HS3ST4: variants seen among roughly 807,000 people sequenced by gnomAD.
HS3ST4 encodes heparan sulfate glucosamine 3-O-sulfotransferase 4.
HS3ST4 carries 17 observed loss-of-function variants against 29.2 expected under a neutral mutation model. The observed-to-expected ratio is 0.58, with a 90% CI of 0.40 to 0.87. The LOEUF is 0.87. Among genes scored for constraint, HS3ST4 ranks in the 40% least tolerant of loss-of-function variants. The probability of loss-of-function intolerance (pLI) is 0.00; values close to 1 mark genes in which losing one functional copy is unlikely to be tolerated. For missense variants in HS3ST4, 627 were observed against 634.5 expected, an observed-to-expected ratio of 0.99 and a Z score of 0.13; for synonymous variants, 314 against 285.7, an observed-to-expected ratio of 1.10 and a Z score of -1.00.
intron 1 of HS3ST4, among the ~76,000 whole-genome samples, chr16:25,931,702 G>A (rs182773793): frequency 8.1e-4 from 124 of 152,348 alleles, no homozygotes; most frequent in African/African-American, 3.0e-3. Flanking sequence ...GATAGATTCT[G>A]TTTGGTGGGA....
intron 1 of HS3ST4, among the ~76,000 whole-genome samples, chr16:25,999,894 A>ATTTT (rs1330505734): frequency 3.7e-4 from 38 of 103,722 alleles, no homozygotes; most frequent in African/African-American, 1.3e-3. Flanking sequence ...ATATATATAT[A>ATTTT]TTTTATATAT....
intron 1 of HS3ST4, among the ~76,000 whole-genome samples, chr16:25,705,497 C>T (rs1966370119): frequency 6.6e-6 from 1 of 152,062 alleles, no homozygotes; most frequent in African/African-American, 2.4e-5. Flanking sequence ...AACCCCATCT[C>T]TACTAAAAAT....
intron 1 of HS3ST4, among the ~76,000 whole-genome samples, chr16:25,726,780 A>G (rs1420515322): frequency 2.0e-5 from 3 of 152,194 alleles, no homozygotes; most frequent in Non-Finnish European, 4.4e-5. Context: ...TGAAATTGCT[A>G]TTGTGTCTAA....
intron 1 of HS3ST4, among the ~76,000 whole-genome samples, chr16:25,993,418 A>G (rs1049878761): frequency 1.1e-4 from 17 of 152,140 alleles, no homozygotes; most frequent in Admixed American, 1.1e-3. Flanking sequence ...TGACCCTCAG[A>G]GAAAGCACTG....
intron 1 of HS3ST4, among the ~76,000 whole-genome samples, chr16:25,830,124 C>T (rs1013913330): frequency 5.3e-5 from 8 of 152,242 alleles, no homozygotes; most frequent in Middle Eastern, 3.4e-3. Flanking sequence ...CACACCCAGC[C>T]TAAAATACAT....
At chr16:25,980,612 T>C (rs1164073020) in intron 1 of HS3ST4, among the ~76,000 whole-genome samples, 1 of 152,190 alleles carries the variant, frequency 6.6e-6, no homozygotes, top group Non-Finnish European at 1.5e-5. Context: ...TGACAAAGGC[T>C]TCTTGTTCTC....
At chr16:25,717,314 A>G (rs1966460995) in intron 1 of HS3ST4, among the ~76,000 whole-genome samples, 1 of 152,206 alleles carries the variant, frequency 6.6e-6, no homozygotes, top group African/African-American at 2.4e-5. Context: ...GATGTAATCA[A>G]TTAAAGTAAA....
chr16:25,950,315 A>G lies in HS3ST4; in HGVS notation c.735-185297A>G, dbSNP rs558122916. ...CACTCAGAGACATCACATCACTCCA[A>G]TGTAAACTGTAAATGAACAGAGACT... On this transcript the variant is annotated intron_variant, in intron 1 of 1. Coordinates refer to ENST00000331351, the MANE Select transcript of HS3ST4 (RefSeq NM_006040.3). 4.6e-5 allele frequency among the ~76,000 whole-genome samples: 7 copies of G among 152,200 alleles called. No homozygotes were observed. The South Asian group carries it at 1.0e-3, about 23-fold the overall frequency.
chr16:25,962,244 A>G (rs1968802243), intron 1 of HS3ST4, among the ~76,000 whole-genome samples: 1 of 152,150 alleles, frequency 6.6e-6, no homozygotes, highest in South Asian at 2.1e-4. Context: ...TGTAGGGGTC[A>G]CTTTAACTGT....
intron 1 of HS3ST4, among the ~76,000 whole-genome samples, chr16:25,732,976 A>G (rs1355799439): frequency 6.6e-6 from 1 of 152,164 alleles, no homozygotes; most frequent in Non-Finnish European, 1.5e-5. Context: ...AGTAGTAATA[A>G]TAAAAACAAC....
chr16:25,778,348 C>A (rs1966849537), intron 1 of HS3ST4, among the ~76,000 whole-genome samples: 1 of 152,146 alleles, frequency 6.6e-6, no homozygotes. Context: ...CCTTATGGTT[C>A]CCCTTTGAGC....
chr16:25,920,651 G>A (rs961128199), intron 1 of HS3ST4, among the ~76,000 whole-genome samples: 1 of 148,742 alleles, frequency 6.7e-6, no homozygotes, highest in African/African-American at 2.5e-5. Flanking sequence ...CACTGGGGCT[G>A]GAGTACAGTG....
intron 1 of HS3ST4, among the ~76,000 whole-genome samples, chr16:26,088,261 C>A (rs896198376): frequency 1.3e-5 from 2 of 152,204 alleles, no homozygotes; most frequent in Non-Finnish European, 2.9e-5. Flanking sequence ...TTAAACTGTT[C>A]TTTGTGGAAG....
intron 1 of HS3ST4, among the ~76,000 whole-genome samples, chr16:25,994,379 A>G (rs1343962049): frequency 6.6e-6 from 1 of 151,698 alleles, no homozygotes; most frequent in Non-Finnish European, 1.5e-5. Context: ...TAACTTATTT[A>G]TTCTCTTTAT....
At chr16:26,017,272 A>G (rs1969371106) in intron 1 of HS3ST4, among the ~76,000 whole-genome samples, 1 of 152,222 alleles carries the variant, frequency 6.6e-6, no homozygotes, top group African/African-American at 2.4e-5. Flanking sequence ...GCTAAAGGCT[A>G]CTAACATGGT....
chr16:26,115,937 C>G (rs918873729), intron 1 of HS3ST4, among the ~76,000 whole-genome samples: 1 of 152,212 alleles, frequency 6.6e-6, no homozygotes, highest in African/African-American at 2.4e-5. Context: ...TGGTTACCTT[C>G]TATTTGTGGC....
intron 1 of HS3ST4, among the ~76,000 whole-genome samples, chr16:25,946,214 G>A (rs1469506626): frequency 6.6e-6 from 1 of 152,178 alleles, no homozygotes; most frequent in Non-Finnish European, 1.5e-5. Flanking sequence ...GGAGGCTTTT[G>A]GATTGTAAAA....
chr16:25,896,581 G>A (rs529592703), intron 1 of HS3ST4, among the ~76,000 whole-genome samples: 13 of 152,264 alleles, frequency 8.5e-5, no homozygotes, highest in African/African-American at 2.9e-4. Flanking sequence ...ACTGTGGAGA[G>A]GGGAGATTTC....
At chr16:25,967,125 A>C (rs1192216727) in intron 1 of HS3ST4, among the ~76,000 whole-genome samples, 1 of 152,162 alleles carries the variant, frequency 6.6e-6, no homozygotes, top group African/African-American at 2.4e-5. Context: ...CCACTGATCC[A>C]ATGCAAGACA....
Sources: allele counts gnomAD v4.1 joint callset (sites outside exome capture counted in the v4.1 genomes callset), GRCh38; gene constraint gnomAD v4.1.1; transcripts MANE v1.5; gene names NCBI Gene and HGNC (gene_info 2026-07-23, HGNC 2026-07-21).